CRADD: variants seen among roughly 807,000 people sequenced by gnomAD.
CRADD encodes the protein CARD and death domain containing adaptor protein.
In CRADD, 9 loss-of-function variants were observed where a neutral mutation model predicts 15.5. The ratio of observed to expected loss-of-function variants is 0.58; its 90% CI spans 0.35 to 1.01. CRADD has a LOEUF of 1.01. Among genes scored for constraint, CRADD ranks in the 50% least tolerant of loss-of-function variants. The probability of loss-of-function intolerance (pLI) is 0.02; values close to 1 mark genes in which losing one functional copy is unlikely to be tolerated. For missense variants in CRADD, 227 were observed against 250.3 expected (o/e 0.91, Z 0.63); for synonymous variants, 118 against 107.6 (o/e 1.10, Z -0.60).
intron 2 of CRADD, chr12:93,837,334 A>T (rs1957985631): frequency 6.6e-6 from 1 of 151,598 alleles, no homozygotes; most frequent in Admixed American, 6.6e-5. Context: ...CAGTGGTGCG[A>T]TCTGCACACT....
chr12:93,802,400 G>A (rs779853805), intron 2 of CRADD, among the ~76,000 whole-genome samples: 1 of 152,098 alleles, frequency 6.6e-6, no homozygotes, highest in Non-Finnish European at 1.5e-5. Flanking sequence ...TTTAAATCAG[G>A]GCTCTCTGAG....
chr12:93,865,375 A>G lies in CRADD; in HGVS notation c.299-28675A>G, dbSNP rs112287255. 2.8e-3 allele frequency among the ~76,000 whole-genome samples: 431 copies of G among 152,244 alleles called. 2 individuals are homozygous for G. Among genetic ancestry groups the G allele is most frequent in the African/African-American group, 0.01 (416 of 41,550 alleles). On this transcript the variant is annotated intron_variant, in intron 2 of 2. Transcript: ENST00000548483. ...ATGGATGCTCAAGTCCCTGGTATAA[A>G]ATGATGTAGTATTGGCATATAACCT... is the stretch of plus-strand genomic sequence containing the variant.
intron 2 of CRADD, among the ~76,000 whole-genome samples, chr12:93,723,200 C>T (rs2136893166): frequency 6.6e-6 from 1 of 152,302 alleles, no homozygotes; most frequent in East Asian, 1.9e-4. Flanking sequence ...CCCCTCTTTG[C>T]TTAGGGATTA....
chr12:93,754,197 G>A (rs1271374866), intron 2 of CRADD, among the ~76,000 whole-genome samples: 4 of 152,240 alleles, frequency 2.6e-5, no homozygotes, highest in African/African-American at 9.6e-5. Flanking sequence ...GCCCTTTTTA[G>A]CCATGGCTGG....
chr12:93,887,370 C>T (rs887252777), intron 2 of CRADD, among the ~76,000 whole-genome samples: 3 of 152,238 alleles, frequency 2.0e-5, no homozygotes, highest in East Asian at 1.9e-4. Flanking sequence ...ATGCCAGGGC[C>T]GCTAACGAGT....
At chr12:93,894,398 G>A (rs1468771328) in exon 3 of CRADD, 1 of 451,844 alleles carries the variant, frequency 2.2e-6, no homozygotes, top group Non-Finnish European at 4.1e-6. Context: ...TGCAGAGGGT[G>A]AGAAGCCCTG....
intron 2 of CRADD, among the ~76,000 whole-genome samples, chr12:93,889,399 G>A (rs978892831): frequency 2.6e-5 from 4 of 152,062 alleles, no homozygotes; most frequent in Non-Finnish European, 1.5e-5. Context: ...ATTCCTCTGA[G>A]GTCACCCTAA....
At chr12:93,863,359 C>T (rs1342624689) in intron 2 of CRADD, among the ~76,000 whole-genome samples, 5 of 152,152 alleles carry the variant, frequency 3.3e-5, no homozygotes, top group Non-Finnish European at 5.9e-5. Flanking sequence ...GCTATCTTCT[C>T]ATTTCGGTTC....
intron 2 of CRADD, among the ~76,000 whole-genome samples, chr12:93,779,835 C>T (rs930234373): frequency 4.8e-4 from 73 of 152,066 alleles, no homozygotes; most frequent in Admixed American, 4.8e-3. Context: ...GTGATCTGCC[C>T]GCCTTAGTCT....
At chr12:93,874,785 T>G (rs904766947) in intron 2 of CRADD, among the ~76,000 whole-genome samples, 1 of 152,154 alleles carries the variant, frequency 6.6e-6, no homozygotes, top group Non-Finnish European at 1.5e-5. Context: ...GAGAAGATGC[T>G]TGTCATTATT....
At chr12:93,713,973 A>T (rs761620513) in intron 2 of CRADD, among the ~76,000 whole-genome samples, 7 of 152,226 alleles carry the variant, frequency 4.6e-5, no homozygotes, top group Non-Finnish European at 1.0e-4. Context: ...GAACTGGTGG[A>T]TATCACTGTG....
At chr12:93,729,187 C>G (rs1956420764) in intron 2 of CRADD, among the ~76,000 whole-genome samples, 1 of 152,136 alleles carries the variant, frequency 6.6e-6, no homozygotes, top group African/African-American at 2.4e-5. Flanking sequence ...ACTCTGTTTT[C>G]AGAGCTTTAT....
At chr12:93,874,940 A>G (rs1451294832) in intron 2 of CRADD, among the ~76,000 whole-genome samples, 2 of 152,008 alleles carry the variant, frequency 1.3e-5, no homozygotes, top group East Asian at 1.9e-4. Flanking sequence ...GATCCATTTG[A>G]TCTACAGTGC....
At chr12:93,783,230 A>G (rs538214479) in intron 2 of CRADD, among the ~76,000 whole-genome samples, 170 of 19,302 alleles carry the variant, frequency 8.8e-3, no homozygotes, top group African/African-American at 0.026. Context: ...AGGTATAGGT[A>G]TTATTATTAT....
In CRADD at chr12:93,881,909, T is replaced by C. The variant is rs185546293; in HGVS notation, c.299-12141T>C. Among the ~76,000 whole-genome samples the C allele has an allele frequency of 8.4e-3, 1,251 of 148,842 alleles. 17 individuals are homozygous for C. Among genetic ancestry groups the C allele is most frequent in the African/African-American group, 0.03 (1,190 of 40,240 alleles). ...TGGGAGGCCGAGGCAGGCGGATCAC[T>C]AGAGGTCAGGAGTTTGAGACTAACC... On this transcript the variant is annotated intron_variant, in intron 2 of 2. Coordinates refer to the CRADD transcript ENST00000548483.
At chr12:93,748,903 G>C (rs1956799866) in intron 2 of CRADD, among the ~76,000 whole-genome samples, 1 of 152,206 alleles carries the variant, frequency 6.6e-6, no homozygotes, top group Non-Finnish European at 1.5e-5. Flanking sequence ...CCAGGGCCTA[G>C]CAGGAGTAGC....
intron 2 of CRADD, among the ~76,000 whole-genome samples, chr12:93,860,960 G>A (rs774488279): frequency 4.1e-4 from 62 of 152,282 alleles, no homozygotes; most frequent in African/African-American, 1.3e-3. Flanking sequence ...CCCTCGGAGC[G>A]CCAGGCTGCT....
chr12:93,780,567 C>T (rs1447723139), intron 2 of CRADD, among the ~76,000 whole-genome samples: 1 of 152,136 alleles, frequency 6.6e-6, no homozygotes, highest in Non-Finnish European at 1.5e-5. Context: ...CCATGCCTGT[C>T]ACATCTAGTG....
chr12:93,743,577 G>A (rs923580805), intron 2 of CRADD, among the ~76,000 whole-genome samples: 1 of 152,140 alleles, frequency 6.6e-6, no homozygotes, highest in African/African-American at 2.4e-5. Context: ...CTTATAGTAA[G>A]CTGAATTCCC....
Sources: allele counts gnomAD v4.1 joint callset (sites outside exome capture counted in the v4.1 genomes callset), GRCh38; gene constraint gnomAD v4.1.1; transcripts MANE v1.5; gene names NCBI Gene and HGNC (gene_info 2026-07-23, HGNC 2026-07-21).